Variants in PPA2 observed in about 807,000 individuals in gnomAD.
PPA2 encodes the protein inorganic pyrophosphatase 2, mitochondrial.
In PPA2, 48 loss-of-function variants were observed where a neutral mutation model predicts 49.5. That is an observed-to-expected ratio of 0.97 (90% CI 0.77 to 1.23). PPA2 has a LOEUF of 1.23. Among genes scored for constraint, PPA2 ranks in the 50% most tolerant of loss-of-function variants. The pLI, the probability that PPA2 is intolerant of heterozygous loss-of-function variation, is 0.00. For missense variants in PPA2, 429 were observed against 410.1 expected, an observed-to-expected ratio of 1.05 and a Z score of -0.40; for synonymous variants, 131 against 139.9, an observed-to-expected ratio of 0.94 and a Z score of 0.45.
intron 10 of PPA2, among the ~76,000 whole-genome samples, chr4:105,383,202 TA>T (rs1733558704): frequency 6.6e-6 from 1 of 152,166 alleles, no homozygotes; most frequent in African/African-American, 2.4e-5. Flanking sequence ...TTCAAACATC[TA>T]TATTTGTAAA....
At chr4:105,369,845 A>G in intron 11 of PPA2, 92 bp from the exon 12 acceptor site, 1 of 1,197,524 alleles carries the variant, frequency 8.4e-7, no homozygotes, top group Non-Finnish European at 1.2e-6. Flanking sequence ...ACTTTTAGGA[A>G]GTATTTAGGC....
At chr4:105,473,561 G>T (rs781148517) in intron 1 of PPA2, 5 of 542,514 alleles carry the variant, frequency 9.2e-6, no homozygotes, top group Non-Finnish European at 1.4e-5. Context: ...GCCGGCTAAT[G>T]GCTGCAGGCC....
rs1169399465 is a variant in PPA2, at chr4:105,456,557, A to G, written c.222+124T>C. On this transcript the variant is annotated intron_variant, in intron 2 of 11. Coordinates refer to ENST00000341695, the MANE Select transcript of PPA2 (RefSeq NM_176869.3). ...TATAGGAGGCTTATGACCCTGTTAT[A>G]GTAACTCCTGTTTGTCCTCCTGACT... 3 of 714,014 alleles carry G rather than the reference A, an allele frequency of 4.2e-6. No homozygotes were observed. In the African/African-American group the frequency reaches 5.3e-5, roughly 13 times the overall value. 44.2% of individuals were successfully genotyped at this position (714,014 alleles called of 1,614,324 possible).
chr4:105,442,400 C>G (rs1253138277), intron 5 of PPA2, among the ~76,000 whole-genome samples: 1 of 152,100 alleles, frequency 6.6e-6, no homozygotes, highest in Non-Finnish European at 1.5e-5. Context: ...GGTTATAAAG[C>G]TAATAAGTAG....
chr4:105,439,729 A>G (rs1724250101), intron 5 of PPA2, among the ~76,000 whole-genome samples: 2 of 152,130 alleles, frequency 1.3e-5, no homozygotes, highest in African/African-American at 4.8e-5. Context: ...GTACATGTGC[A>G]TAACGTGCAG....
intron 6 of PPA2, among the ~76,000 whole-genome samples, chr4:105,426,273 A>G (rs368511056): frequency 1.3e-5 from 2 of 152,230 alleles, no homozygotes; most frequent in East Asian, 1.9e-4. Context: ...ATCGATGCAG[A>G]AGACAGGTGA....
chr4:105,462,823 A>G (rs1265567706), intron 1 of PPA2, among the ~76,000 whole-genome samples: 1 of 152,186 alleles, frequency 6.6e-6, no homozygotes, highest in Non-Finnish European at 1.5e-5. Context: ...CAGAAGGGGT[A>G]GTGTTCCTGC....
chr4:105,437,849 C>T, intron 6 of PPA2, 101 bp downstream of exon 6: 1 of 822,052 alleles, frequency 1.2e-6, no homozygotes, highest in Non-Finnish European at 1.9e-6. Flanking sequence ...AATCAATAGG[C>T]TTGAACTCTG....
Position 105,473,970 on chromosome 4 carries a change from C to A in PPA2, c.81G>T (p.Gly27=). 6.2e-7 allele frequency: 1 copy of A among 1,611,502 alleles called. No individual in the cohort carries two copies. Among genetic ancestry groups the A allele is most frequent in the Non-Finnish European group, 8.5e-7 (1 of 1,179,200 alleles). ...CLRLGTSAGT[G]SRRAMALYHT... is the part of the protein sequence containing the mutation. ...GGTACAGGGCCATAGCACGGCGCGA[C>A]CCGGTCCCTGCACTGGTCCCCAACC... The change falls in exon 1 of 12, where the codon GGG becomes GGT. Residue 27 remains glycine, a synonymous_variant. Transcript: ENST00000341695.
At chr4:105,435,013 A>G (rs2110285810) in intron 6 of PPA2, among the ~76,000 whole-genome samples, 1 of 152,370 alleles carries the variant, frequency 6.6e-6, no homozygotes, top group Non-Finnish European at 1.5e-5. Context: ...TTAGACACCA[A>G]ATGAACAATA....
At chr4:105,392,756 T>C (rs1032145296) in intron 9 of PPA2, among the ~76,000 whole-genome samples, 11 of 152,160 alleles carry the variant, frequency 7.2e-5, no homozygotes, top group Admixed American at 3.9e-4. Context: ...GGCTACTACA[T>C]GCCAGGCATT....
intron 9 of PPA2, among the ~76,000 whole-genome samples, chr4:105,390,067 T>G (rs1047053926): frequency 3.3e-5 from 5 of 152,164 alleles, no homozygotes; most frequent in African/African-American, 1.2e-4. Context: ...GGGAAATGAT[T>G]CCCTATTTTA....
chr4:105,422,926 T>C (rs1471278685), intron 7 of PPA2, among the ~76,000 whole-genome samples: 1 of 152,190 alleles, frequency 6.6e-6, no homozygotes, highest in Non-Finnish European at 1.5e-5. Context: ...GTGTAGCAGA[T>C]CACAAATGAA....
chr4:105,463,990 C>T (rs1269048475), intron 1 of PPA2, among the ~76,000 whole-genome samples: 1 of 152,192 alleles, frequency 6.6e-6, no homozygotes, highest in Non-Finnish European at 1.5e-5. Flanking sequence ...CCTATTGGGG[C>T]ACTGCCTAGT....
rs775096324 is a variant in PPA2 at position 105,473,886 on chromosome 4, C to T, written c.157+8G>A. 1 of 1,593,130 alleles carries T rather than the reference C, an allele frequency of 6.3e-7. No homozygotes were observed. Among genetic ancestry groups the T allele is most frequent in the South Asian group, 1.1e-5 (1 of 89,828 alleles). ...GCGCCGCTCGGCGAACCTCCGGGAGCTACTTACTAAAGAAGAGGCGGTAAT... is the reference window on the plus strand; with the variant it reads ...GCGCCGCTCGGCGAACCTCCGGGAGTTACTTACTAAAGAAGAGGCGGTAAT... On this transcript the variant is annotated splice_region_variant and intron_variant, in intron 1 of 11. Transcript: ENST00000341695.
At chr4:105,413,610 A>G (rs1722864318) in intron 7 of PPA2, among the ~76,000 whole-genome samples, 1 of 152,238 alleles carries the variant, frequency 6.6e-6, no homozygotes, top group South Asian at 2.1e-4. Flanking sequence ...TATCACTGAC[A>G]CCATATAGAA....
At chr4:105,438,317 T>A (rs1724165265) in intron 5 of PPA2, among the ~76,000 whole-genome samples, 1 of 152,202 alleles carries the variant, frequency 6.6e-6, no homozygotes, top group African/African-American at 2.4e-5. Flanking sequence ...AGTCAGGGAA[T>A]AAATTCACAT....
At chr4:105,394,139 G>A (rs576528752) in intron 9 of PPA2, among the ~76,000 whole-genome samples, 38 of 152,160 alleles carry the variant, frequency 2.5e-4, no homozygotes, top group African/African-American at 8.4e-4. Flanking sequence ...GGCCAAGGTG[G>A]GCGGATCACT....
At chr4:105,373,318 A>G (rs1733103051) in intron 10 of PPA2, among the ~76,000 whole-genome samples, 1 of 152,190 alleles carries the variant, frequency 6.6e-6, no homozygotes, top group Admixed American at 6.5e-5. Flanking sequence ...GAGATTAGGC[A>G]TTTGGGATTT....
Sources: allele counts gnomAD v4.1 joint callset (sites outside exome capture counted in the v4.1 genomes callset), GRCh38; gene constraint gnomAD v4.1.1; transcripts MANE v1.5; gene names NCBI Gene and HGNC (gene_info 2026-07-23, HGNC 2026-07-21).